CDKAL1: variants seen among roughly 807,000 people sequenced by gnomAD.
CDKAL1 encodes CDKAL1 threonylcarbamoyladenosine tRNA methylthiotransferase.
CDKAL1 carries 32 observed loss-of-function variants against 68.2 expected under a neutral mutation model. That is an observed-to-expected ratio of 0.47 (90% CI 0.35 to 0.63). The LOEUF is 0.63. Among genes scored for constraint, CDKAL1 ranks in the 30% least tolerant of loss-of-function variants. The pLI, the probability that CDKAL1 is intolerant of heterozygous loss-of-function variation, is 0.00. For synonymous variants in CDKAL1, 234 were observed against 244.3 expected (o/e 0.96, Z 0.39); for missense variants, 606 against 696.7 (o/e 0.87, Z 1.47).
chr6:20,759,815 C>T (rs1427822170), intron 7 of CDKAL1, among the ~76,000 whole-genome samples: 1 of 152,016 alleles, frequency 6.6e-6, no homozygotes, highest in African/African-American at 2.4e-5. Flanking sequence ...AGGCTTTTTC[C>T]TATGTTTGAT....
chr6:20,750,944 A>G (rs1042556099), intron 6 of CDKAL1, among the ~76,000 whole-genome samples: 3 of 98,034 alleles, frequency 3.1e-5, no homozygotes, highest in Non-Finnish European at 5.5e-5. Flanking sequence ...AGGCTGAGCA[A>G]CAGAGTGAAA....
intron 10 of CDKAL1, among the ~76,000 whole-genome samples, chr6:20,958,790 C>T (rs941700439): frequency 2.6e-5 from 4 of 152,110 alleles, no homozygotes; most frequent in African/African-American, 9.7e-5. Context: ...ACACAACAGA[C>T]TTTAATTAGA....
chr6:21,004,328 G>A (rs532860489), intron 11 of CDKAL1, among the ~76,000 whole-genome samples: 1 of 152,258 alleles, frequency 6.6e-6, no homozygotes, highest in South Asian at 2.1e-4. Flanking sequence ...CTCTTCAGTT[G>A]TTTGAAAGTT....
At chr6:20,987,943 CTTT>C (rs11300877) in intron 10 of CDKAL1, among the ~76,000 whole-genome samples, 13 of 123,298 alleles carry the variant, frequency 1.1e-4, no homozygotes, top group Non-Finnish European at 1.7e-4. Flanking sequence ...CCATCCCCAG[CTTT>C]TTTTTTTTTT....
chr6:20,693,094 C>T (rs1562030314), intron 5 of CDKAL1, among the ~76,000 whole-genome samples: 1 of 138,348 alleles, frequency 7.2e-6, no homozygotes, highest in Admixed American at 8.1e-5. Flanking sequence ...TGCGCCACTG[C>T]ACTCCAGCCT....
At chr6:20,714,294 T>A (rs1197186224) in intron 5 of CDKAL1, among the ~76,000 whole-genome samples, 1 of 151,330 alleles carries the variant, frequency 6.6e-6, no homozygotes, top group East Asian at 1.9e-4. Flanking sequence ...TTTTATTAAA[T>A]TTTTTGCATG....
chr6:20,649,823 T>G (rs2328532), intron 5 of CDKAL1, among the ~76,000 whole-genome samples: 128,606 of 152,158 alleles, frequency 0.85, 54,784 homozygotes, highest in African/African-American at 0.96. Context: ...GCAGTGTTTG[T>G]TTTTCTGTTC....
intron 4 of CDKAL1, among the ~76,000 whole-genome samples, chr6:20,613,073 T>TACAC (rs1201670153): frequency 6.7e-6 from 1 of 148,786 alleles, no homozygotes; most frequent in African/African-American, 2.5e-5. Context: ...AGAATAAATG[T>TACAC]ACACACACAC....
chr6:20,842,159 T>C (rs1778198174), intron 8 of CDKAL1, among the ~76,000 whole-genome samples: 1 of 152,204 alleles, frequency 6.6e-6, no homozygotes, highest in Non-Finnish European at 1.5e-5. Flanking sequence ...TTGAAATGAT[T>C]GGTCAACATA....
intron 4 of CDKAL1, among the ~76,000 whole-genome samples, chr6:20,588,470 A>G (rs1253952541): frequency 1.3e-5 from 2 of 152,232 alleles, no homozygotes; most frequent in African/African-American, 4.8e-5. Flanking sequence ...CTCTATGTCC[A>G]TGGAACAGCT....
At chr6:20,705,566 G>A (rs531797909) in intron 5 of CDKAL1, among the ~76,000 whole-genome samples, 25 of 152,040 alleles carry the variant, frequency 1.6e-4, no homozygotes, top group East Asian at 1.5e-3. Context: ...TCAGACATTC[G>A]GAGATCTCAC....
intron 10 of CDKAL1, among the ~76,000 whole-genome samples, chr6:20,961,827 A>G (rs1283068096): frequency 6.6e-6 from 1 of 152,128 alleles, no homozygotes; most frequent in Non-Finnish European, 1.5e-5. Context: ...TAGTACCTGG[A>G]TGACTAAATA....
chr6:21,153,315 G>A (rs573017593), intron 13 of CDKAL1, among the ~76,000 whole-genome samples: 231 of 147,992 alleles, frequency 1.6e-3, no homozygotes, highest in Non-Finnish European at 2.8e-3. Flanking sequence ...TTGCCTCTGT[G>A]TGGATTTATT....
chr6:21,226,557 A>T (rs1378819329), intron 15 of CDKAL1, among the ~76,000 whole-genome samples: 1 of 152,236 alleles, frequency 6.6e-6, no homozygotes, highest in African/African-American at 2.4e-5. Context: ...AACTCCATTT[A>T]ACAGATAAAT....
At chr6:20,973,955 A>T (rs1490904387) in intron 10 of CDKAL1, among the ~76,000 whole-genome samples, 2 of 152,218 alleles carry the variant, frequency 1.3e-5, no homozygotes, top group African/African-American at 4.8e-5. Context: ...TTAAGAAATT[A>T]TTGTTGTAGA....
chr6:20,605,913 T>C (rs1365305280), intron 4 of CDKAL1, among the ~76,000 whole-genome samples: 1 of 152,220 alleles, frequency 6.6e-6, no homozygotes, highest in Admixed American at 6.5e-5. Context: ...ATTACTCCTC[T>C]CAAGTACTCT....
intron 4 of CDKAL1, among the ~76,000 whole-genome samples, chr6:20,552,042 A>G (rs1763855026): frequency 6.6e-6 from 1 of 151,634 alleles, no homozygotes; most frequent in South Asian, 2.1e-4. Context: ...CTAAGGAAAA[A>G]AAAAAAAAAA....
intron 11 of CDKAL1, among the ~76,000 whole-genome samples, chr6:21,018,325 G>A (rs1768453610): frequency 6.6e-6 from 1 of 152,184 alleles, no homozygotes; most frequent in African/African-American, 2.4e-5. Context: ...ATGCAGTCAG[G>A]CTTTGTTTGG....
At chr6:20,729,381 C>G (rs1772802030) in intron 5 of CDKAL1, among the ~76,000 whole-genome samples, 1 of 152,086 alleles carries the variant, frequency 6.6e-6, no homozygotes, top group South Asian at 2.1e-4. Context: ...AATGTCTTAT[C>G]CAACAAAAGT....
Sources: allele counts gnomAD v4.1 joint callset (sites outside exome capture counted in the v4.1 genomes callset), GRCh38; gene constraint gnomAD v4.1.1; transcripts MANE v1.5; gene names NCBI Gene and HGNC (gene_info 2026-07-23, HGNC 2026-07-21).